LDB3: variants seen among roughly 807,000 people sequenced by gnomAD.
LDB3 encodes the protein LIM domain binding 3.
LDB3 carries 49 observed loss-of-function variants against 69.0 expected under a neutral mutation model. That is an observed-to-expected ratio of 0.71 (90% CI 0.56 to 0.90). The LOEUF is 0.90. Ranked by LOEUF, LDB3 falls within the 40% of genes least tolerant of loss-of-function variation. The pLI, the probability that LDB3 is intolerant of heterozygous loss-of-function variation, is 0.00. For synonymous variants in LDB3, 387 were observed against 396.2 expected (o/e 0.98, Z 0.28); for missense variants, 928 against 974.1 (o/e 0.95, Z 0.63).
At chr10:86,702,107 G>A (rs937570726) in intron 7 of LDB3, among the ~76,000 whole-genome samples, 1 of 152,162 alleles carries the variant, frequency 6.6e-6, no homozygotes, top group Non-Finnish European at 1.5e-5. Context: ...GTGGGTGGCA[G>A]CATGAATAAT....
Position 86,726,159 on chromosome 10 carries a change from C to T in LDB3, c.2001C>T (p.Thr667=). Reference sequence around the variant, plus strand: ...CAGACTACATCAATCTGTTCAGCACCAAGTGCCATGGCTGCGATTTCCCCG... The same window carrying T: ...CAGACTACATCAATCTGTTCAGCACTAAGTGCCATGGCTGCGATTTCCCCG... ...CEKDYINLFS[T]KCHGCDFPVE... Residue 667 remains threonine (T), a synonymous_variant, in exon 13 of 14, where the codon ACC becomes ACT. Transcript: ENST00000361373. 6.2e-7 allele frequency: 1 copy of T among 1,613,938 alleles called. No homozygotes were observed. Among genetic ancestry groups the T allele is most frequent in the Non-Finnish European group, 8.5e-7 (1 of 1,179,982 alleles).
chr10:86,712,488 G>A (rs905696259), intron 9 of LDB3, among the ~76,000 whole-genome samples: 3 of 152,166 alleles, frequency 2.0e-5, no homozygotes, highest in African/African-American at 2.4e-5. Flanking sequence ...CTGGCAGCCT[G>A]AGCTCGTTTC....
At chr10:86,712,094 CGA>C (rs1219851773) in intron 9 of LDB3, among the ~76,000 whole-genome samples, 4 of 152,110 alleles carry the variant, frequency 2.6e-5, no homozygotes, top group Admixed American at 6.5e-5. Flanking sequence ...CTGAGGGCTG[CGA>C]AGCGCCACTG....
At chr10:86,718,652 T>A (rs1180777997) in intron 11 of LDB3, 75 bp from the exon 12 acceptor site, 2 of 1,604,162 alleles carry the variant, frequency 1.2e-6, no homozygotes, top group Non-Finnish European at 1.7e-6. Context: ...GCTCGGGCAG[T>A]GGCTGGAGCC....
chr10:86,674,040 T>C (rs1844634178), intron 2 of LDB3, among the ~76,000 whole-genome samples: 1 of 152,042 alleles, frequency 6.6e-6, no homozygotes, highest in African/African-American at 2.4e-5. Flanking sequence ...GCAGGCTGGC[T>C]CAGAACTGGT....
chr10:86,691,880 T>C lies in LDB3; in HGVS notation c.690-16T>C. 6.2e-7 allele frequency: 1 copy of C among 1,613,746 alleles called. No individual in the cohort carries two copies. The highest frequency in any genetic ancestry group is 1.1e-5 in the South Asian group (1 of 91,058). On this transcript the variant is annotated splice_polypyrimidine_tract_variant and intron_variant, in intron 5 of 13. Coordinates refer to ENST00000361373, the MANE Select transcript of LDB3 (RefSeq NM_007078.3). ...TCCAGCCTAGCCCTCGCCCACGGCC[T>C]CTCTCTGCATTACAGGAGCCTCCCT...
chr10:86,711,700 G>C (rs1411953005), intron 9 of LDB3, among the ~76,000 whole-genome samples: 1 of 151,458 alleles, frequency 6.6e-6, no homozygotes, highest in Non-Finnish European at 1.5e-5. Context: ...TTCGCAGGCC[G>C]GATCTTATCG....
chr10:86,672,487 G>C (rs1379128664), intron 2 of LDB3, among the ~76,000 whole-genome samples: 1 of 152,234 alleles, frequency 6.6e-6, no homozygotes, highest in East Asian at 1.9e-4. Flanking sequence ...GGCAATTCCT[G>C]GAATTTCGGG....
At chr10:86,671,839 G>A (rs142879415) in intron 2 of LDB3, among the ~76,000 whole-genome samples, 101 of 152,190 alleles carry the variant, frequency 6.6e-4, no homozygotes, top group Non-Finnish European at 8.5e-4. Context: ...CAGGCTGGGC[G>A]CGGTGCCTCA....
intron 7 of LDB3, among the ~76,000 whole-genome samples, chr10:86,702,083 G>A (rs971362191): frequency 1.3e-5 from 2 of 152,182 alleles, no homozygotes; most frequent in East Asian, 1.9e-4. Flanking sequence ...GCAGCAAGGT[G>A]GAACATAGAC....
At chr10:86,719,127 G>A (rs983387411) in intron 12 of LDB3, among the ~76,000 whole-genome samples, 3 of 152,146 alleles carry the variant, frequency 2.0e-5, no homozygotes, top group African/African-American at 7.2e-5. Flanking sequence ...GGTTAGGTGA[G>A]GTGGCTCACA....
chr10:86,693,082 C>CT (rs1473800621), intron 7 of LDB3, among the ~76,000 whole-genome samples: 30 of 146,016 alleles, frequency 2.1e-4, no homozygotes, highest in African/African-American at 7.1e-4. Context: ...AAAATAGTTG[C>CT]TGAAAAAAAA....
chr10:86,667,696 A>C (rs553618821), upstream of LDB3, among the ~76,000 whole-genome samples: 3 of 152,330 alleles, frequency 2.0e-5, no homozygotes, highest in African/African-American at 7.2e-5. Context: ...TTTCCAGAGC[A>C]CAAAGACAGG....
intron 7 of LDB3, among the ~76,000 whole-genome samples, chr10:86,700,607 G>A (rs1208143941): frequency 6.6e-6 from 1 of 152,178 alleles, no homozygotes; most frequent in Non-Finnish European, 1.5e-5. Context: ...CAAGAGGGCT[G>A]GGAAGGCTTC....
At chr10:86,697,063 G>C (rs893727342) in intron 7 of LDB3, among the ~76,000 whole-genome samples, 1 of 152,206 alleles carries the variant, frequency 6.6e-6, no homozygotes, top group Non-Finnish European at 1.5e-5. Context: ...GCCAGGTAAA[G>C]CAGGTGCAGA....
intron 13 of LDB3, among the ~76,000 whole-genome samples, chr10:86,727,041 TA>T (rs1847279316): frequency 6.7e-6 from 1 of 150,052 alleles, no homozygotes; most frequent in Non-Finnish European, 1.5e-5. Context: ...TTTTTTGAGA[TA>T]GAGTTTCTGC....
At chr10:86,670,515 G>T (rs1844413453) in intron 2 of LDB3, among the ~76,000 whole-genome samples, 1 of 152,184 alleles carries the variant, frequency 6.6e-6, no homozygotes, top group Admixed American at 6.5e-5. Flanking sequence ...CCCTATGGGT[G>T]CAAATTGGCC....
chr10:86,676,582 G>A (rs369019382), intron 2 of LDB3, among the ~76,000 whole-genome samples: 8,868 of 124,112 alleles, frequency 0.071, 872 homozygotes, highest in African/African-American at 0.23. Context: ...AAAAAAAAGA[G>A]AAAGAAAAAA....
chr10:86,726,486 A>G, intron 13 of LDB3: 1 of 554,334 alleles, frequency 1.8e-6, no homozygotes, highest in Non-Finnish European at 3.3e-6. Context: ...GTTAAGGACA[A>G]CAGAGTGTCC....
Sources: gnomAD v4.1 joint callset for allele counts (sites outside exome capture counted in the v4.1 genomes callset) on GRCh38, gnomAD v4.1.1 for gene constraint, MANE v1.5 for transcripts, NCBI Gene and HGNC (gene_info 2026-07-23, HGNC 2026-07-21) for gene names.